Variants in FAM120B observed in about 807,000 individuals in gnomAD.
FAM120B encodes the protein family with sequence similarity 120 member B, also known as constitutive coactivator of peroxisome proliferator-activated receptor gamma.
A neutral mutation model predicts 96.3 loss-of-function variants in FAM120B; 83 were observed. The ratio of observed to expected loss-of-function variants is 0.86; its 90% CI spans 0.72 to 1.03. The LOEUF (loss-of-function observed/expected upper bound fraction) is 1.03. FAM120B is among the 50% of genes least tolerant of loss of function. FAM120B has a pLI of 0.00. For synonymous variants in FAM120B, 407 were observed against 402.7 expected (o/e 1.01, Z -0.13); for missense variants, 1,027 against 1,121.2 (o/e 0.92, Z 1.20).
upstream of FAM120B, among the ~76,000 whole-genome samples, chr6:170,306,198 C>T (rs537240548): frequency 6.6e-6 from 1 of 152,192 alleles, no homozygotes; most frequent in South Asian, 2.1e-4. Flanking sequence ...TGACTGGGGC[C>T]GCGCCGTCCC....
chr6:170,303,921 A>G (rs1784196953), upstream of FAM120B, among the ~76,000 whole-genome samples: 1 of 152,204 alleles, frequency 6.6e-6, no homozygotes, highest in Non-Finnish European at 1.5e-5. Flanking sequence ...ATCCCTTTTA[A>G]GATATTCATC....
chr6:170,352,442 C>T (rs1787640037), intron 5 of FAM120B, among the ~76,000 whole-genome samples: 1 of 152,234 alleles, frequency 6.6e-6, no homozygotes, highest in African/African-American at 2.4e-5. Flanking sequence ...TAGATAGCCA[C>T]AGAATTCTCC....
chr6:170,393,591 C>A (rs1409419488), intron 8 of FAM120B, among the ~76,000 whole-genome samples: 1 of 152,214 alleles, frequency 6.6e-6, no homozygotes, highest in Non-Finnish European at 1.5e-5. Context: ...TTAGTAAGAT[C>A]ATTTCGTGAT....
intron 1 of FAM120B, among the ~76,000 whole-genome samples, chr6:170,308,277 G>C (rs543799129): frequency 6.6e-6 from 1 of 152,218 alleles, no homozygotes; most frequent in South Asian, 2.1e-4. Flanking sequence ...TTCTTGAAAA[G>C]CACCAACACC....
intron 9 of FAM120B, among the ~76,000 whole-genome samples, chr6:170,396,488 G>T (rs1347947587): frequency 6.6e-6 from 1 of 152,202 alleles, no homozygotes; most frequent in East Asian, 1.9e-4. Context: ...AGAGCTCCAT[G>T]AATTTAATGC....
chr6:170,394,282 C>T (rs570283109), intron 8 of FAM120B, among the ~76,000 whole-genome samples: 2 of 152,282 alleles, frequency 1.3e-5, no homozygotes, highest in South Asian at 2.1e-4. Flanking sequence ...CCAGGCAAGT[C>T]GTGGCTTTTC....
chr6:170,368,824 G>GCA (rs147205762), intron 6 of FAM120B, among the ~76,000 whole-genome samples: 8 of 112,700 alleles, frequency 7.1e-5, no homozygotes, highest in African/African-American at 2.3e-4. Flanking sequence ...CGGGGCTGGG[G>GCA]GGGGGGCTCC....
chr6:170,300,535 G>A (rs773116399), intron 1 of FAM120B, among the ~76,000 whole-genome samples: 5 of 152,052 alleles, frequency 3.3e-5, no homozygotes, highest in Admixed American at 6.5e-5. Context: ...CCTGCCCAAC[G>A]GTCCCCCAAA....
upstream of FAM120B, among the ~76,000 whole-genome samples, chr6:170,291,572 G>A (rs774507603): frequency 3.9e-5 from 6 of 152,242 alleles, no homozygotes; most frequent in Non-Finnish European, 5.9e-5. Context: ...GGAAAGGGGC[G>A]GGCGGAGCGG....
Position 170,405,806 on chromosome 6 carries a change from G to A in FAM120B, c.*1055G>A, listed in dbSNP as rs373891610. 2.0e-5 allele frequency: 3 copies of A among 152,140 alleles called. No individual in the cohort carries two copies. The highest frequency in any genetic ancestry group is 4.4e-5 in the Non-Finnish European group (3 of 68,036). The allele number at this position is 152,140 out of a possible 1,614,324, so 9.4% of individuals were successfully genotyped here. A position where few individuals can be genotyped will look rare whatever the true frequency, so the allele number is the denominator to read the frequency against. On this transcript the variant is annotated 3_prime_UTR_variant, in exon 11 of 11. Transcript: ENST00000476287. ...CTGTTTCTGTGGGGTCATCCCTTTC[G>A]TTTCATTTTGCCAGGGCCTGGCTCA...
chr6:170,321,795 G>A (rs1310105126), intron 2 of FAM120B, among the ~76,000 whole-genome samples: 2 of 152,268 alleles, frequency 1.3e-5, no homozygotes, highest in Admixed American at 6.5e-5. Context: ...AGCCGGGCAC[G>A]TTTTTATTCA....
intron 9 of FAM120B, chr6:170,404,286 C>T (rs931565315): frequency 1.2e-5 from 5 of 412,256 alleles, no homozygotes; most frequent in Middle Eastern, 6.3e-4. Flanking sequence ...CTAGAAATCA[C>T]GCAGATGGAT....
chr6:170,345,656 A>C lies in FAM120B; in HGVS notation c.2018-2495A>C, dbSNP rs535463624. Among the ~76,000 whole-genome samples the C allele has an allele frequency of 1.6e-4, 25 of 152,362 alleles. No individual in the cohort carries two copies. The South Asian group carries it at 5.2e-3, about 32-fold the overall frequency. On this transcript the variant is annotated intron_variant, in intron 4 of 10. Transcript: ENST00000476287. ...CTTTTGTGACAGTATGGTAGGAAAAATGTTGGTAAACAATTGATGGATCTT... is the reference window on the plus strand; with the variant it reads ...CTTTTGTGACAGTATGGTAGGAAAACTGTTGGTAAACAATTGATGGATCTT...
At chr6:170,293,504 A>G (rs890445419), upstream of FAM120B, among the ~76,000 whole-genome samples, 1 of 152,180 alleles carries the variant, frequency 6.6e-6, no homozygotes, top group African/African-American at 2.4e-5. Context: ...TTTCTCGATT[A>G]CGGCGGCAAA....
Position 170,370,879 on chromosome 6 carries a change from C to T in FAM120B, c.2283+12561C>T, listed in dbSNP as rs906768532. Among the ~76,000 whole-genome samples, 1 of 152,166 alleles carries T rather than the reference C, an allele frequency of 6.6e-6. No individual in the cohort carries two copies. The highest frequency in any genetic ancestry group is 1.5e-5 in the Non-Finnish European group (1 of 68,046). On this transcript the variant is annotated intron_variant, in intron 6 of 10. Transcript: ENST00000476287. This position sits in a 1 kb window ranked among gnomAD's most constrained non-coding sequence, Gnocchi z 4.3. ...ACGGGAGATACTGCAGTAGAATTTG[C>T]AGCACTTGGCCCTGTGTGCAGGCGG...
At chr6:170,400,291 G>A (rs1778482237) in intron 9 of FAM120B, among the ~76,000 whole-genome samples, 1 of 152,200 alleles carries the variant, frequency 6.6e-6, no homozygotes, top group Non-Finnish European at 1.5e-5. Context: ...AGCCTTAGGA[G>A]TGAGTGGGGA....
chr6:170,291,809 CCGGAGCCAGG>C (rs1783884670), upstream of FAM120B, among the ~76,000 whole-genome samples: 1 of 152,150 alleles, frequency 6.6e-6, no homozygotes, highest in Non-Finnish European at 1.5e-5. Context: ...CAGCATATCC[CCGGAGCCAGG>C]AGAACCTGGC....
chr6:170,357,277 C>A (rs376234631), intron 5 of FAM120B, among the ~76,000 whole-genome samples: 2 of 152,048 alleles, frequency 1.3e-5, no homozygotes, highest in South Asian at 4.1e-4. Flanking sequence ...GGTAGCTGAA[C>A]GCGGTGGCTG....
At chr6:170,349,904 A>G (rs1458550061) in intron 5 of FAM120B, among the ~76,000 whole-genome samples, 4 of 152,138 alleles carry the variant, frequency 2.6e-5, no homozygotes, top group African/African-American at 9.7e-5. Context: ...ACCTGGGAAC[A>G]GTATGGAGCC....
Sources: gnomAD v4.1 joint callset for allele counts (sites outside exome capture counted in the v4.1 genomes callset) on GRCh38, gnomAD v4.1.1 for gene constraint, Gnocchi (gnomAD v3.1) non-coding constraint, MANE v1.5 for transcripts, NCBI Gene and HGNC (gene_info 2026-07-23, HGNC 2026-07-21) for gene names.